The following LPA variants were observed in gnomAD, a reference collection of about 807,000 sequenced individuals.
The protein encoded by LPA is apolipoprotein(a).
A neutral mutation model predicts 197.9 loss-of-function variants in LPA; 199 were observed. That is an observed-to-expected ratio of 1.01 (90% CI 0.90 to 1.13). LPA has a LOEUF of 1.13. LPA is among the 50% of genes most tolerant of loss of function. LPA has a pLI of 0.00. For missense variants in LPA, 1,853 were observed against 1,785.8 expected, an observed-to-expected ratio of 1.04 and a Z score of -0.68; for synonymous variants, 715 against 639.5, an observed-to-expected ratio of 1.12 and a Z score of -1.78.
chr6:160,567,395 C>CT (rs1465774980), intron 28 of LPA, among the ~76,000 whole-genome samples: 1 of 152,186 alleles, frequency 6.6e-6, no homozygotes, highest in African/African-American at 2.4e-5. Flanking sequence ...TGAGTGACTA[C>CT]TGGGTATGTA....
At chr6:160,596,670 A>G (rs940428255) in intron 20 of LPA, among the ~76,000 whole-genome samples, 1 of 152,198 alleles carries the variant, frequency 6.6e-6, no homozygotes, top group African/African-American at 2.4e-5. Flanking sequence ...AAGGGCCAAT[A>G]GCATCTTACT....
At chr6:160,538,395 T>C (rs936530029) in intron 36 of LPA, among the ~76,000 whole-genome samples, 1 of 152,196 alleles carries the variant, frequency 6.6e-6, no homozygotes, top group African/African-American at 2.4e-5. Context: ...AGCAAGTTGC[T>C]CCATCTGGAT....
At chr6:160,576,940 A>C (rs933713236) in intron 28 of LPA, among the ~76,000 whole-genome samples, 196 bp downstream of exon 28, 2 of 151,972 alleles carry the variant, frequency 1.3e-5, no homozygotes, top group African/African-American at 4.8e-5. Flanking sequence ...CCTTCCATAA[A>C]ACTATTAGGA....
At chr6:160,594,198 A>G (rs1278050430) in intron 21 of LPA, 81 bp from the exon 22 acceptor site, 26 of 1,552,644 alleles carry the variant, frequency 1.7e-5, no homozygotes, top group Non-Finnish European at 2.3e-5. Context: ...CTGAAACAGG[A>G]TCATTGTCTC....
At chr6:160,601,210 G>A (rs1004733339) in intron 18 of LPA, 112 bp from the exon 19 acceptor site, 1 of 895,152 alleles carries the variant, frequency 1.1e-6, no homozygotes, top group Non-Finnish European at 1.9e-6. Context: ...TCCCAAAAGA[G>A]ATACCATACA....
In LPA at chr6:160,576,205, G is replaced by T. The variant is rs576789742; in HGVS notation, c.4631+931C>A. ...GTACTTGTCCATTTTACTTTTCAGC[G>T]TTTGTGTACCTCCTGACTCTCATCC... On this transcript the variant is annotated intron_variant, in intron 28 of 38. Transcript: ENST00000316300. Among the ~76,000 whole-genome samples, 5 of 150,958 alleles carry T rather than the reference G, an allele frequency of 3.3e-5. No individual in the cohort carries two copies. In the South Asian group the frequency reaches 1.1e-3, roughly 32 times the overall value.
In LPA at chr6:160,589,710, G is replaced by A. The variant is rs757595573; in HGVS notation, c.3790C>T (p.Pro1264Ser). The change falls in exon 24 of 39, where the codon CCA becomes TCA. Residue 1264 changes from proline (P) to serine (S), a missense_variant and splice_region_variant. Physicochemically the swap from Pro to Ser is moderately conservative, Grantham distance 74. Coordinates refer to ENST00000316300, the MANE Select transcript of LPA (RefSeq NM_005577.4). ...TGGACTGTGGGGCTTTGCTCCGTTG[G>A]TGCTGAAATTCAAAGAGGAGAAAAC... ...ATSTAVSEQA[P>S]TEQSPTVQDC... 3 of 1,613,792 alleles carry A rather than the reference G, an allele frequency of 1.9e-6. No individual in the cohort carries two copies. Among genetic ancestry groups the A allele is most frequent in the Non-Finnish European group, 1.7e-6 (2 of 1,179,782 alleles).
At chr6:160,650,280 T>A in intron 2 of LPA, 58 bp downstream of exon 2, 1 of 1,589,490 alleles carries the variant, frequency 6.3e-7, no homozygotes, top group Non-Finnish European at 8.6e-7. Flanking sequence ...ACGCACACCT[T>A]TTCTAAGACA....
intron 26 of LPA, among the ~76,000 whole-genome samples, chr6:160,582,819 CT>C (rs1438662308): frequency 6.6e-6 from 1 of 152,076 alleles, no homozygotes; most frequent in African/African-American, 2.4e-5. Flanking sequence ...CTGTGACTTG[CT>C]TTAAACAAAT....
At chr6:160,561,124 T>A (rs1778354490) in intron 28 of LPA, among the ~76,000 whole-genome samples, 1 of 152,184 alleles carries the variant, frequency 6.6e-6, no homozygotes, top group Non-Finnish European at 1.5e-5. Context: ...TTAGCCAAGA[T>A]GGTCTCGATC....
rs567865114 is a variant in LPA at position 160,595,372 on chromosome 6, C to A, written c.3451G>T (p.Glu1151Ter). The A allele has an allele frequency of 1.2e-6, 2 of 1,612,618 alleles. No individual in the cohort carries two copies. The highest frequency in any genetic ancestry group is 1.3e-5 in the African/African-American group (1 of 74,962). The change falls in exon 21 of 39, where the codon GAG (glutamate) becomes TAG (stop). Residue 1151 changes from glutamate to a stop codon, truncating the protein, a stop_gained. Transcript: ENST00000316300. LOFTEE classifies it high-confidence loss of function. ...TTCCTACCTTCTTCAGAAGAAGCCT[C>A]TGTGCTTGGATCTGGGACCACCGTG... ...TLTVVPDPST[E>*]ASSEEAPTEQ...
At chr6:160,547,533 C>T (rs924730436) in intron 32 of LPA, among the ~76,000 whole-genome samples, 11 of 152,026 alleles carry the variant, frequency 7.2e-5, no homozygotes, top group Admixed American at 2.0e-4. Flanking sequence ...GGAGTGGGGA[C>T]CCCTGGCTTA....
At position 160,548,578 on chromosome 6, in the gene LPA, C is replaced by A. The variant is rs1778117962; in HGVS notation, c.5055G>T (p.Trp1685Cys). The change falls in exon 31 of 39, where the codon TGG becomes TGT. Residue 1685 changes from tryptophan (W) to cysteine (C), a missense_variant. Trp to Cys is a radical substitution (Grantham distance 215, BLOSUM62 -2). Coordinates refer to ENST00000316300, the MANE Select transcript of LPA (RefSeq NM_005577.4). ...AGCATCGCGTCAGGTTGCAGTACTCCCACCTGATGCTGGGGTCCATGGTAA... is the reference window on the plus strand; with the variant it reads ...AGCATCGCGTCAGGTTGCAGTACTCACACCTGATGCTGGGGTCCATGGTAA... ...WCFTMDPSIR[W>C]EYCNLTRCSD... is the part of the protein sequence containing the mutation. 6.2e-7 allele frequency: 1 copy of A among 1,614,118 alleles called. No homozygotes were observed. The highest frequency in any genetic ancestry group is 1.3e-5 in the African/African-American group (1 of 75,024).
Position 160,531,725 on chromosome 6 carries a change from C to A in LPA, c.*4G>T, listed in dbSNP as rs368525962. On this transcript the variant is annotated 3_prime_UTR_variant, in exon 39 of 39. Transcript: ENST00000316300. ...GTTGATGCTTCACTCTGTCTCCCGT[C>A]CAATTAATTATTTCTCATCATTCCC... is the stretch of plus-strand genomic sequence containing the variant. The A allele has an allele frequency of 1.2e-6, 2 of 1,613,878 alleles. No individual in the cohort carries two copies. The highest frequency in any genetic ancestry group is 2.7e-5 in the African/African-American group (2 of 74,890).
intron 28 of LPA, among the ~76,000 whole-genome samples, chr6:160,568,601 A>T (rs1438736272): frequency 6.6e-6 from 1 of 152,016 alleles, no homozygotes; most frequent in Non-Finnish European, 1.5e-5. Flanking sequence ...CTCTCTCACC[A>T]CTCCTATTCA....
At chr6:160,598,206 G>A (rs889473978) in intron 20 of LPA, among the ~76,000 whole-genome samples, 2 of 152,014 alleles carry the variant, frequency 1.3e-5, no homozygotes, top group African/African-American at 4.8e-5. Context: ...CTCAATATAT[G>A]GTGTTTTTTT....
At chr6:160,599,764 C>G in intron 19 of LPA, 105 bp from the exon 20 acceptor site, 1 of 1,268,440 alleles carries the variant, frequency 7.9e-7, no homozygotes. Context: ...GATTTACAAC[C>G]ATTCTCTATT....
chr6:160,599,618 G>T lies in LPA; in HGVS notation c.3169C>A (p.His1057Asn), dbSNP rs755297866. Residue 1057 changes from histidine (H) to asparagine (N), a missense_variant, in exon 20 of 39, where the codon CAT (histidine) becomes AAT (asparagine). His to Asn is a moderately conservative substitution (Grantham distance 68). This residue lies in a region of LPA where 1,737 missense variants were observed against 1,504.4 expected (regional missense o/e 1.15). Coordinates refer to ENST00000316300, the MANE Select transcript of LPA (RefSeq NM_005577.4). ...GTGCCTCGGTAACTCTGTCCATAAT[G>T]GTAGTAGCAGTCCTGTACCCCGGGG... ...ETPGVQDCYY[H>N]YGQSYRGTYS... 3 of 1,614,090 alleles carry T rather than the reference G, an allele frequency of 1.9e-6. No homozygotes were observed. In the South Asian group the frequency reaches 3.3e-5, roughly 18 times the overall value.
At chr6:160,578,083 T>G (rs768636372) in intron 27 of LPA, among the ~76,000 whole-genome samples, 1 of 152,174 alleles carries the variant, frequency 6.6e-6, no homozygotes, top group Non-Finnish European at 1.5e-5. Flanking sequence ...TGCAGTCTCC[T>G]TAGGTTTCTC....
Sources: gnomAD v4.1 joint callset for allele counts (sites outside exome capture counted in the v4.1 genomes callset) on GRCh38, gnomAD v4.1.1 for gene constraint, gnomAD v4.1.1 regional missense constraint, MANE v1.5 for transcripts, NCBI Gene and HGNC (gene_info 2026-07-23, HGNC 2026-07-21) for gene names.